The following PCDHGB6 variants were observed in gnomAD, a reference collection of about 807,000 sequenced individuals.
PCDHGB6 encodes protocadherin gamma-B6.
In PCDHGB6, 51 loss-of-function variants were observed where a neutral mutation model predicts 59.1. The ratio of observed to expected loss-of-function variants is 0.86; its 90% CI spans 0.69 to 1.09. The LOEUF (loss-of-function observed/expected upper bound fraction) is 1.09. Among genes scored for constraint, PCDHGB6 ranks in the 50% least tolerant of loss-of-function variants. The pLI is 0.00. For synonymous variants in PCDHGB6, 466 were observed against 495.1 expected (o/e 0.94, Z 0.78); for missense variants, 1,148 against 1,205.1 (o/e 0.95, Z 0.70).
intron 2 of PCDHGB6, among the ~76,000 whole-genome samples, chr5:141,504,948 T>C (rs1044527570): frequency 2.0e-5 from 3 of 152,080 alleles, no homozygotes; most frequent in Admixed American, 1.3e-4. Flanking sequence ...GAATGCACTA[T>C]GTTCAATGCA....
chr5:141,505,960 G>A (rs2099849410), intron 3 of PCDHGB6, among the ~76,000 whole-genome samples: 1 of 152,202 alleles, frequency 6.6e-6, no homozygotes, highest in Non-Finnish European at 1.5e-5. Context: ...AGTGGGTGTA[G>A]AAATCCCCAG....
chr5:141,431,364 G>A lies in PCDHGB6; in HGVS notation c.2418+20744G>A. 1 of 1,614,010 alleles carries A rather than the reference G, an allele frequency of 6.2e-7. No homozygotes were observed. The highest frequency in any genetic ancestry group is 8.5e-7 in the Non-Finnish European group (1 of 1,180,022). On this transcript the variant is annotated intron_variant, in intron 1 of 3. Coordinates refer to ENST00000520790, the MANE Select transcript of PCDHGB6 (RefSeq NM_018926.3). This position sits in a 1 kb window ranked among gnomAD's most constrained non-coding sequence, Gnocchi z 4.8. ...TTGGTGCTGAAACGCGCCCTGGACCGCGAAGAAAAGGCTGCTCACCACCTG... is the reference window on the plus strand; with the variant it reads ...TTGGTGCTGAAACGCGCCCTGGACCACGAAGAAAAGGCTGCTCACCACCTG...
At chr5:141,418,460 G>A in intron 1 of PCDHGB6, 1 of 1,613,992 alleles carries the variant, frequency 6.2e-7, no homozygotes, top group Non-Finnish European at 8.5e-7. Context: ...GAAGACTCTG[G>A]ACCGAGAAAC....
intron 1 of PCDHGB6, among the ~76,000 whole-genome samples, chr5:141,455,844 T>TA (rs2098833146): frequency 6.6e-6 from 1 of 150,818 alleles, no homozygotes; most frequent in Non-Finnish European, 1.5e-5. Flanking sequence ...TCTATCTGCA[T>TA]AAAATAATTT....
In PCDHGB6 at chr5:141,408,796, A is replaced by G. The variant is rs2154540634; in HGVS notation, c.594A>G (p.Lys198=). Residue 198 remains lysine (K), a synonymous_variant, in exon 1 of 4, where the codon AAA becomes AAG. Coordinates refer to ENST00000520790, the MANE Select transcript of PCDHGB6 (RefSeq NM_018926.3). ...GGKYPELSLE[K]LLDREEQRSH... ...AATACCCAGAGTTATCTCTGGAGAA[A>G]CTCCTAGACCGGGAAGAACAGAGAT... 1 of 1,612,808 alleles carries G rather than the reference A, an allele frequency of 6.2e-7. No individual in the cohort carries two copies. The highest frequency in any genetic ancestry group is 8.5e-7 in the Non-Finnish European group (1 of 1,179,448).
In PCDHGB6 at chr5:141,455,477, C is replaced by T. The variant is rs557286491; in HGVS notation, c.2419-39330C>T. On this transcript the variant is annotated intron_variant, in intron 1 of 3. Coordinates refer to ENST00000520790, the MANE Select transcript of PCDHGB6 (RefSeq NM_018926.3). ...TACCAGCCAGGTATATATGCAGAGG[C>T]TGGTGGAGGTGATGTCTGATTTGCA... Among the ~76,000 whole-genome samples the T allele has an allele frequency of 1.2e-4, 18 of 152,252 alleles. No homozygotes were observed. The South Asian group carries it at 3.7e-3, about 32-fold the overall frequency.
At position 141,469,759 on chromosome 5, in the gene PCDHGB6, T is replaced by C. The variant is rs192437401; in HGVS notation, c.2419-25048T>C. On this transcript the variant is annotated intron_variant, in intron 1 of 3. Coordinates refer to ENST00000520790, the MANE Select transcript of PCDHGB6 (RefSeq NM_018926.3). ...ACCTCAAAAATTACAAAAATACATATATACCAGCTTATTTATTACAGCGTT... is the reference window on the plus strand; with the variant it reads ...ACCTCAAAAATTACAAAAATACATACATACCAGCTTATTTATTACAGCGTT... 3.9e-3 allele frequency among the ~76,000 whole-genome samples: 591 copies of C among 152,310 alleles called. 6 individuals are homozygous for C. Among genetic ancestry groups the C allele is most frequent in the Admixed American group, 0.011 (171 of 15,298 alleles).
chr5:141,419,890 C>T (rs775698934), intron 1 of PCDHGB6: 3 of 1,614,102 alleles, frequency 1.9e-6, no homozygotes, highest in Non-Finnish European at 2.5e-6. Flanking sequence ...ATTTCAGCGA[C>T]CATCCCACAC....
intron 1 of PCDHGB6, chr5:141,413,734 C>A: frequency 6.2e-7 from 1 of 1,613,422 alleles, no homozygotes; most frequent in Non-Finnish European, 8.5e-7. Context: ...CCTAAGAGTT[C>A]AGAGCCGTGC....
chr5:141,410,390 G>A lies in PCDHGB6; in HGVS notation c.2188G>A (p.Gly730Ser). Residue 730 changes from glycine to serine, a missense_variant, in exon 1 of 4, where the codon GGT becomes AGT. Coordinates refer to ENST00000520790, the MANE Select transcript of PCDHGB6 (RefSeq NM_018926.3). ...TGCTACTTGGGACTGCTTCCATCCT[G>A]GTCTCTGTGTCAAGTCTGGACCTGT... ...SPATWDCFHP[G>S]LCVKSGPVVP... is the part of the protein sequence containing the mutation. 1 of 1,614,012 alleles carries A rather than the reference G, an allele frequency of 6.2e-7. No homozygotes were observed. Among genetic ancestry groups the A allele is most frequent in the South Asian group, 1.1e-5 (1 of 91,088 alleles).
chr5:141,483,903 G>C (rs1167942546), intron 1 of PCDHGB6, among the ~76,000 whole-genome samples: 1 of 151,282 alleles, frequency 6.6e-6, no homozygotes, highest in Admixed American at 6.6e-5. Context: ...GCTCTGGTGT[G>C]TTTCCCACTC....
In PCDHGB6 at chr5:141,410,620, G is replaced by C. The variant is rs765125633; in HGVS notation, c.2418G>C (p.Ser806=). ...CTTCACATCCTGAGACTCTGACTTC[G>C]GTGAGTTTCTCTTTTTTGTGTGTGA... ...DLTSHPETLT[S]QAPPNTDWRF... The change falls in exon 1 of 4, where the codon TCG becomes TCC. Residue 806 remains serine (S), a splice_region_variant and synonymous_variant. Coordinates refer to ENST00000520790, the MANE Select transcript of PCDHGB6 (RefSeq NM_018926.3). The C allele has an allele frequency of 3.4e-5, 55 of 1,603,406 alleles. 1 individual carries two copies. The highest frequency in any genetic ancestry group is 2.8e-4 in the Admixed American group (17 of 59,744).
chr5:141,420,187 C>G (rs1369031488), intron 1 of PCDHGB6: 1 of 1,613,706 alleles, frequency 6.2e-7, no homozygotes, highest in East Asian at 2.2e-5. Context: ...ATTGTCCAGC[C>G]ACACAAGATA....
At position 141,491,456 on chromosome 5, in the gene PCDHGB6, C is replaced by G; in HGVS notation, c.2419-3351C>G. On this transcript the variant is annotated intron_variant, in intron 1 of 3. Transcript: ENST00000520790. The surrounding 1 kb of genome is among the most constrained non-coding windows in gnomAD (Gnocchi z 6.9). Reference sequence around the variant, plus strand: ...TGCAGGCGCCAGGACTCACCCTCCCCGGACTTCTATAAGCAGTCCAGCCCC... The same window carrying G: ...TGCAGGCGCCAGGACTCACCCTCCCGGGACTTCTATAAGCAGTCCAGCCCC... 1 of 1,614,104 alleles carries G rather than the reference C, an allele frequency of 6.2e-7. No homozygotes were observed. The highest frequency in any genetic ancestry group is 8.5e-7 in the Non-Finnish European group (1 of 1,180,010).
chr5:141,463,535 G>A (rs1178825067), intron 1 of PCDHGB6, among the ~76,000 whole-genome samples: 4 of 137,928 alleles, frequency 2.9e-5, no homozygotes, highest in East Asian at 2.3e-4. Context: ...TAGAAACTCC[G>A]GCTCCCGGGT....
At position 141,491,222 on chromosome 5, in the gene PCDHGB6, C is replaced by A. The variant is rs1185734506; in HGVS notation, c.2419-3585C>A. 6.2e-7 allele frequency: 1 copy of A among 1,614,268 alleles called. No homozygotes were observed. Among genetic ancestry groups the A allele is most frequent in the East Asian group, 2.2e-5 (1 of 44,892 alleles). On this transcript the variant is annotated intron_variant, in intron 1 of 3. Transcript: ENST00000520790. This position sits in a 1 kb window ranked among gnomAD's most constrained non-coding sequence, Gnocchi z 6.9. Reference sequence around the variant, plus strand: ...GACCCTTCACTCTCCTCCACAGCCACAGTGCTGCTGGTTCTGGAGGATGAG... The same window carrying A: ...GACCCTTCACTCTCCTCCACAGCCAAAGTGCTGCTGGTTCTGGAGGATGAG...
rs560733170 is a variant in PCDHGB6, at chr5:141,503,895, A to G, written c.2478-1498A>G. ...TTGTGCTCACCCACCATGACAAAATATGCACACACACAACGCAACACACAC... is the reference window on the plus strand; with the variant it reads ...TTGTGCTCACCCACCATGACAAAATGTGCACACACACAACGCAACACACAC... On this transcript the variant is annotated intron_variant, in intron 2 of 3. Transcript: ENST00000520790. Among the ~76,000 whole-genome samples, 12 of 152,302 alleles carry G rather than the reference A, an allele frequency of 7.9e-5. No individual in the cohort carries two copies. The South Asian group carries it at 2.1e-3, about 26-fold the overall frequency.
intron 1 of PCDHGB6, among the ~76,000 whole-genome samples, chr5:141,445,320 A>G (rs1462989860): frequency 1.3e-5 from 2 of 152,188 alleles, no homozygotes; most frequent in Non-Finnish European, 2.9e-5. Flanking sequence ...GGTTGAGAGA[A>G]CCCATCCAGA....
intron 1 of PCDHGB6, among the ~76,000 whole-genome samples, chr5:141,482,791 G>T (rs1039924143): frequency 2.6e-5 from 4 of 152,168 alleles, no homozygotes; most frequent in African/African-American, 9.7e-5. Flanking sequence ...TGTGTGTGTG[G>T]CCGGGTACGG....
Sources: gnomAD v4.1 joint callset for allele counts (sites outside exome capture counted in the v4.1 genomes callset) on GRCh38, gnomAD v4.1.1 for gene constraint, Gnocchi (gnomAD v3.1) non-coding constraint, MANE v1.5 for transcripts, NCBI Gene and HGNC (gene_info 2026-07-23, HGNC 2026-07-21) for gene names.